Variants in PCDHGA1 observed in about 807,000 individuals in gnomAD.
PCDHGA1 encodes protocadherin gamma-A1.
PCDHGA1 carries 32 observed loss-of-function variants against 58.0 expected under a neutral mutation model. The observed-to-expected ratio is 0.55, with a 90% CI of 0.42 to 0.74. The LOEUF is 0.74. PCDHGA1 is among the 30% of genes least tolerant of loss of function. The probability of loss-of-function intolerance (pLI) is 0.00; values close to 1 mark genes in which losing one functional copy is unlikely to be tolerated. For synonymous variants in PCDHGA1, 498 were observed against 501.1 expected, an observed-to-expected ratio of 0.99 and a Z score of 0.08; for missense variants, 1,205 against 1,182.3, an observed-to-expected ratio of 1.02 and a Z score of -0.28.
intron 1 of PCDHGA1, among the ~76,000 whole-genome samples, chr5:141,359,245 T>A (rs910356279): frequency 1.3e-5 from 2 of 152,062 alleles, no homozygotes; most frequent in Non-Finnish European, 2.9e-5. Flanking sequence ...TTAAAGTAAT[T>A]AAGCCATAAA....
chr5:141,340,449 A>G, intron 1 of PCDHGA1: 1 of 1,614,182 alleles, frequency 6.2e-7, no homozygotes. Flanking sequence ...TCTTTCGCGG[A>G]GGACACTGTT....
rs755293492 is a variant in PCDHGA1 at position 141,394,003 on chromosome 5, C to A, written c.2421+60898C>A. On this transcript the variant is annotated intron_variant, in intron 1 of 3. Transcript: ENST00000517417. ...AATTTACCTTTTAAATTAGAAAAGT[C>A]AATAGGTAATTATTATAGATTAGTG... The A allele has an allele frequency of 1.9e-6, 3 of 1,613,310 alleles. No homozygotes were observed. The South Asian group carries it at 3.3e-5, about 18-fold the overall frequency.
chr5:141,437,831 G>C (rs923199746), intron 1 of PCDHGA1, among the ~76,000 whole-genome samples: 16 of 151,256 alleles, frequency 1.1e-4, no homozygotes, highest in African/African-American at 3.4e-4. Flanking sequence ...TCTGCCTCCT[G>C]GGTTCATGCT....
rs117345436 is a variant in PCDHGA1 at position 141,492,015 on chromosome 5, G to T, written c.2422-2792G>T. 1,356 of 600,608 alleles carry T rather than the reference G, an allele frequency of 2.3e-3. 40 individuals carry two copies. The East Asian group carries it at 0.038, about 17-fold the overall frequency. The allele number at this position is 600,608 out of a possible 1,614,324, so 37.2% of individuals were successfully genotyped here. A position where few individuals can be genotyped will look rare whatever the true frequency, so the allele number is the denominator to read the frequency against. ...ATTTCGGGCGATTTCCGCGGGTGTC[G>T]GGGGTCCCGGGAGGAGGCAGTCACA... On this transcript the variant is annotated intron_variant, in intron 1 of 3. Transcript: ENST00000517417.
chr5:141,494,762 A>G (rs770570158), intron 1 of PCDHGA1, 45 bp from the exon 2 acceptor site: 1 of 1,613,200 alleles, frequency 6.2e-7, no homozygotes, highest in South Asian at 1.1e-5. Flanking sequence ...TGACATTCTA[A>G]CTTCTCACGG....
At chr5:141,413,722 T>TCC (rs1330658153) in intron 1 of PCDHGA1, 1 of 1,613,450 alleles carries the variant, frequency 6.2e-7, no homozygotes. Context: ...TAAGCACTTC[T>TCC]CCCTAAGAGT....
At chr5:141,399,146 G>C (rs758823968) in intron 1 of PCDHGA1, 1 of 1,613,792 alleles carries the variant, frequency 6.2e-7, no homozygotes, top group South Asian at 1.1e-5. Context: ...AATGACAATA[G>C]CCCAGAAGTT....
At chr5:141,472,219 A>C (rs2099274667) in intron 1 of PCDHGA1, among the ~76,000 whole-genome samples, 1 of 152,210 alleles carries the variant, frequency 6.6e-6, no homozygotes, top group Non-Finnish European at 1.5e-5. Context: ...CTTACTCTCG[A>C]TCATATAATA....
chr5:141,450,251 C>T (rs2154563018), intron 1 of PCDHGA1, among the ~76,000 whole-genome samples: 1 of 152,200 alleles, frequency 6.6e-6, no homozygotes. Context: ...CTCCTGACCT[C>T]AAGTGATCTG....
At chr5:141,394,399 A>C in intron 1 of PCDHGA1, 3 of 1,614,206 alleles carry the variant, frequency 1.9e-6, no homozygotes, top group Non-Finnish European at 2.5e-6. Context: ...CGAGACCTGC[A>C]GCTACTGGTA....
intron 1 of PCDHGA1, chr5:141,360,701 G>A (rs1316006767): frequency 6.2e-7 from 1 of 1,613,936 alleles, no homozygotes; most frequent in Admixed American, 1.7e-5. Flanking sequence ...CCAGATGGTC[G>A]TAAATATCCT....
chr5:141,387,929 A>C, intron 1 of PCDHGA1: 1 of 1,235,330 alleles, frequency 8.1e-7, no homozygotes, highest in Non-Finnish European at 1.1e-6. Flanking sequence ...AGAGGCTGCC[A>C]GTGCTCTTTC....
At chr5:141,426,015 T>G (rs1168777347) in intron 1 of PCDHGA1, among the ~76,000 whole-genome samples, 3 of 152,200 alleles carry the variant, frequency 2.0e-5, no homozygotes, top group African/African-American at 7.2e-5. Flanking sequence ...GGCTGCAGTT[T>G]TCTAAATAGA....
intron 1 of PCDHGA1, chr5:141,357,188 C>A: frequency 1.2e-6 from 2 of 1,613,782 alleles, no homozygotes; most frequent in Non-Finnish European, 1.7e-6. Context: ...CTCACTGTGG[C>A]TGTGGCCGAC....
At chr5:141,405,020 A>G in intron 1 of PCDHGA1, 1 of 1,613,342 alleles carries the variant, frequency 6.2e-7, no homozygotes, top group Non-Finnish European at 8.5e-7. Context: ...CTCAGACCTT[A>G]CCCTCTACCT....
At chr5:141,395,205 C>T (rs770683946) in intron 1 of PCDHGA1, 2 of 1,613,660 alleles carry the variant, frequency 1.2e-6, no homozygotes, top group Non-Finnish European at 1.7e-6. Flanking sequence ...CGTAGATTTT[C>T]ATGAATATAA....
chr5:141,393,382 T>C (rs778957877), intron 1 of PCDHGA1: 7 of 1,613,948 alleles, frequency 4.3e-6, no homozygotes, highest in Non-Finnish European at 5.9e-6. Flanking sequence ...AATGGAGCCA[T>C]AAACCCAGAG....
intron 1 of PCDHGA1, chr5:141,344,790 G>A (rs1271015462): frequency 1.9e-6 from 3 of 1,613,972 alleles, no homozygotes; most frequent in Non-Finnish European, 2.5e-6. Flanking sequence ...GAGTGTTTGG[G>A]AGAACGTGCC....
rs544565104 is a variant in PCDHGA1, at chr5:141,489,014, G to A, written c.2422-5793G>A. 2.5e-5 allele frequency: 11 copies of A among 433,976 alleles called. No individual in the cohort carries two copies. The highest frequency in any genetic ancestry group is 1.6e-4 in the Admixed American group (4 of 25,754). The allele number at this position is 433,976 out of a possible 1,614,324, so 26.9% of individuals were successfully genotyped here. On this transcript the variant is annotated intron_variant, in intron 1 of 3. Coordinates refer to ENST00000517417, the MANE Select transcript of PCDHGA1 (RefSeq NM_018912.3). This position sits in a 1 kb window ranked among gnomAD's most constrained non-coding sequence, Gnocchi z 4.5. ...GGTGGGAGATCTGCTCTTCCAGCCC[G>A]CCTCTCCTCCTCCAGCTCCCCAGCT... is the stretch of plus-strand genomic sequence containing the variant.
Sources: allele counts gnomAD v4.1 joint callset (sites outside exome capture counted in the v4.1 genomes callset), GRCh38; gene constraint gnomAD v4.1.1; non-coding constraint Gnocchi (gnomAD v3.1); transcripts MANE v1.5; gene names NCBI Gene and HGNC (gene_info 2026-07-23, HGNC 2026-07-21).